The following PARPBP variants were observed in gnomAD, a reference collection of about 807,000 sequenced individuals.
The protein encoded by PARPBP is PCNA-interacting partner.
A neutral mutation model predicts 50.0 loss-of-function variants in PARPBP; 52 were observed. That is an observed-to-expected ratio of 1.04 (90% CI 0.83 to 1.31). PARPBP has a LOEUF of 1.31. PARPBP is among the 50% of genes most tolerant of loss of function. The pLI, the probability that PARPBP is intolerant of heterozygous loss-of-function variation, is 0.00. For synonymous variants in PARPBP, 244 were observed against 232.1 expected (o/e 1.05, Z -0.47); for missense variants, 697 against 672.0 (o/e 1.04, Z -0.41).
In PARPBP at chr12:102,148,320, A is replaced by C. The variant is rs747312058; in HGVS notation, c.244A>C (p.Met82Leu). The part of the protein sequence containing the change: ...HEKLNLPVEN[M>L]DVTDHYEDVR... Reference sequence around the variant, plus strand: ...GAAATTGAACTTACCAGTTGAAAACATGGACGTGACTGACCATTATGAGGA... The same window carrying C: ...GAAATTGAACTTACCAGTTGAAAACCTGGACGTGACTGACCATTATGAGGA... The change falls in exon 3 of 11, where the codon ATG (methionine) becomes CTG (leucine). Residue 82 changes from methionine (M) to leucine (L), a missense_variant. Met to Leu is a conservative substitution (Grantham distance 15). Transcript: ENST00000327680. 6.2e-7 allele frequency: 1 copy of C among 1,604,984 alleles called. No homozygotes were observed. Among genetic ancestry groups the C allele is most frequent in the Non-Finnish European group, 8.5e-7 (1 of 1,172,086 alleles).
chr12:102,165,671 G>GATT, intron 5 of PARPBP, 58 bp from the exon 6 acceptor site: 3 of 1,335,430 alleles, frequency 2.2e-6, no homozygotes, highest in Non-Finnish European at 3.2e-6. Flanking sequence ...GCTTTATGAA[G>GATT]TAAATTACAG....
chr12:102,182,349 G>A (rs765375326), intron 8 of PARPBP, among the ~76,000 whole-genome samples, 200 bp from the exon 9 acceptor site: 6 of 152,118 alleles, frequency 3.9e-5, no homozygotes, highest in African/African-American at 7.2e-5. Flanking sequence ...AAACTATGAT[G>A]TTCGGTGGAT....
chr12:102,172,475 T>A (rs1215741001), intron 6 of PARPBP, among the ~76,000 whole-genome samples: 2 of 152,218 alleles, frequency 1.3e-5, no homozygotes, highest in African/African-American at 4.8e-5. Context: ...AAGCAAGAAT[T>A]TGAATTAAAC....
chr12:102,182,582 C>T lies in PARPBP; in HGVS notation c.1218C>T (p.Pro406=). The change falls in exon 9 of 11, where the codon CCC becomes CCT. Residue 406 remains proline (P), a synonymous_variant. Coordinates refer to ENST00000327680, the MANE Select transcript of PARPBP (RefSeq NM_017915.5). ...SPTQVNNSIK[P]LRERICVSMQ... is the part of the protein sequence containing the mutation. Reference sequence around the variant, plus strand: ...CACAGGTGAATAATTCGATAAAACCCCTAAGAGAACGCATCTGTGTGTCAA... The same window carrying T: ...CACAGGTGAATAATTCGATAAAACCTCTAAGAGAACGCATCTGTGTGTCAA... 1.2e-6 allele frequency: 2 copies of T among 1,611,702 alleles called. No homozygotes were observed. Among genetic ancestry groups the T allele is most frequent in the Non-Finnish European group, 1.7e-6 (2 of 1,178,808 alleles).
chr12:102,184,063 A>AAG (rs1175116553), intron 9 of PARPBP, among the ~76,000 whole-genome samples: 11 of 151,250 alleles, frequency 7.3e-5, no homozygotes, highest in Admixed American at 6.6e-4. Context: ...AAAAAAAAAA[A>AAG]AAAGAAAGAA....
rs535163191 is a variant in PARPBP at position 102,180,361 on chromosome 12, A to C, written c.1184+1591A>C. On this transcript the variant is annotated intron_variant, in intron 8 of 10. Transcript: ENST00000327680. Reference sequence around the variant, plus strand: ...ATTTTCTTAAAGTTATTTTCCTTTCATGAAATTTTTATTCTAACAAATTTA... The same window carrying C: ...ATTTTCTTAAAGTTATTTTCCTTTCCTGAAATTTTTATTCTAACAAATTTA... 4.6e-5 allele frequency among the ~76,000 whole-genome samples: 7 copies of C among 152,262 alleles called. No homozygotes were observed. The East Asian group carries it at 1.3e-3, about 29-fold the overall frequency.
chr12:102,134,069 T>C (rs1302472065), intron 2 of PARPBP, among the ~76,000 whole-genome samples: 1 of 151,358 alleles, frequency 6.6e-6, no homozygotes, highest in Non-Finnish European at 1.5e-5. Flanking sequence ...AAGAACACAC[T>C]AAGCCCAAAC....
At chr12:102,175,787 G>A (rs1889214085) in intron 7 of PARPBP, 121 bp downstream of exon 7, 2 of 590,590 alleles carry the variant, frequency 3.4e-6, no homozygotes, top group Admixed American at 7.2e-5. Flanking sequence ...GTTCTAAAAT[G>A]ATATTGAAAA....
Position 102,170,420 on chromosome 12 carries a change from T to A in PARPBP, c.821+4537T>A, listed in dbSNP as rs79551898. On this transcript the variant is annotated intron_variant, in intron 6 of 10. Transcript: ENST00000327680. Reference sequence around the variant, plus strand: ...ATGGCATAGCCTATTGCTGCTAGGCTACAAACCTGTATGGCCTGTTACTGT... The same window carrying A: ...ATGGCATAGCCTATTGCTGCTAGGCAACAAACCTGTATGGCCTGTTACTGT... Among the ~76,000 whole-genome samples the A allele has an allele frequency of 2.8e-4, 43 of 152,366 alleles. 2 individuals carry two copies. In the East Asian group the frequency reaches 6.7e-3, roughly 24 times the overall value.
intron 9 of PARPBP, among the ~76,000 whole-genome samples, chr12:102,190,108 A>T (rs921184231): frequency 2.0e-5 from 3 of 152,072 alleles, no homozygotes; most frequent in Admixed American, 2.0e-4. Flanking sequence ...GATACATACT[A>T]GTTGTATATT....
chr12:102,137,992 T>C (rs1344083597), intron 2 of PARPBP, among the ~76,000 whole-genome samples: 1 of 152,242 alleles, frequency 6.6e-6, no homozygotes, highest in African/African-American at 2.4e-5. Flanking sequence ...CGTAGCAGTA[T>C]GATTTATAAT....
intron 6 of PARPBP, among the ~76,000 whole-genome samples, chr12:102,170,210 GA>G (rs1436802005): frequency 2.0e-5 from 3 of 152,194 alleles, no homozygotes; most frequent in African/African-American, 7.2e-5. Context: ...TTCAGAAGTT[GA>G]AAATTCTGTA....
At chr12:102,130,523 G>T (rs1303033651) in intron 2 of PARPBP, among the ~76,000 whole-genome samples, 2 of 151,864 alleles carry the variant, frequency 1.3e-5, no homozygotes, top group Non-Finnish European at 2.9e-5. Flanking sequence ...TATCTATAAA[G>T]AACTTAGACA....
At chr12:102,157,551 T>C (rs1887091541) in intron 4 of PARPBP, among the ~76,000 whole-genome samples, 1 of 152,170 alleles carries the variant, frequency 6.6e-6, no homozygotes, top group Admixed American at 6.5e-5. Flanking sequence ...ATCTGAAATC[T>C]TGCTTAGATT....
rs56245119 is a variant in PARPBP at position 102,137,516 on chromosome 12, ATT to A, written c.154-10703_154-10702del. On this transcript the variant is annotated intron_variant, in intron 2 of 10. Coordinates refer to ENST00000327680, the MANE Select transcript of PARPBP (RefSeq NM_017915.5). ...CTCTAGCAGTTATATACTGCTAAAGATTTTTTTTTTTTAATTCTAGGGTATAT... is the reference window on the plus strand; with the variant it reads ...CTCTAGCAGTTATATACTGCTAAAGATTTTTTTTTTAATTCTAGGGTATAT... 1.8e-4 allele frequency among the ~76,000 whole-genome samples: 27 copies of A among 149,336 alleles called. 1 individual carries two copies. The highest frequency in any genetic ancestry group is 1.4e-3 in the Admixed American group (21 of 14,974).
chr12:102,137,669 G>T (rs965492886), intron 2 of PARPBP, among the ~76,000 whole-genome samples: 1 of 140,954 alleles, frequency 7.1e-6, no homozygotes, highest in Admixed American at 7.2e-5. Context: ...CCCACCCCAC[G>T]ACAGGCCCCA....
At chr12:102,164,066 C>T (rs1043092565) in intron 4 of PARPBP, among the ~76,000 whole-genome samples, 19 of 152,092 alleles carry the variant, frequency 1.2e-4, no homozygotes, top group African/African-American at 4.6e-4. Context: ...CCTCTATGTT[C>T]TTCTGAGAAA....
rs145837731 is a variant in PARPBP, at chr12:102,196,195, C to T, written c.1644C>T (p.Tyr548=). 155 of 1,611,438 alleles carry T rather than the reference C, an allele frequency of 9.6e-5. No homozygotes were observed. The African/African-American group carries it at 1.1e-3, about 11-fold the overall frequency. ...KKSNDSQNRL[Y]GKLAKVAKSN... is the part of the protein sequence containing the mutation. ...CAAATGATTCACAGAATAGATTGTACGGCAAACTAGCTAAAGTAGCAAAAA... is the reference window on the plus strand; with the variant it reads ...CAAATGATTCACAGAATAGATTGTATGGCAAACTAGCTAAAGTAGCAAAAA... Residue 548 remains tyrosine (Y), a synonymous_variant, in exon 11 of 11, where the codon TAC becomes TAT. Coordinates refer to ENST00000327680, the MANE Select transcript of PARPBP (RefSeq NM_017915.5).
At chr12:102,173,672 T>G (rs879167494) in intron 6 of PARPBP, among the ~76,000 whole-genome samples, 2 of 151,990 alleles carry the variant, frequency 1.3e-5, no homozygotes, top group Admixed American at 1.3e-4. Flanking sequence ...TATTTTCCCT[T>G]GAAAGGTTCA....
Sources: gnomAD v4.1 joint callset for allele counts (sites outside exome capture counted in the v4.1 genomes callset) on GRCh38, gnomAD v4.1.1 for gene constraint, MANE v1.5 for transcripts, NCBI Gene and HGNC (gene_info 2026-07-23, HGNC 2026-07-21) for gene names.